MED12L: variants seen among roughly 807,000 people sequenced by gnomAD.
MED12L encodes mediator complex subunit 12L, also known as mediator of RNA polymerase II transcription subunit 12-like protein.
MED12L carries 60 observed loss-of-function variants against 281.3 expected under a neutral mutation model. That is an observed-to-expected ratio of 0.21 (90% CI 0.17 to 0.26). The LOEUF (loss-of-function observed/expected upper bound fraction) is 0.26. Among genes scored for constraint, MED12L ranks in the 10% least tolerant of loss-of-function variants. MED12L has a pLI of 1.00. For synonymous variants in MED12L, 974 were observed against 987.2 expected (o/e 0.99, Z 0.25); for missense variants, 2,146 against 2,680.9 (o/e 0.80, Z 4.41).
chr3:151,279,648 G>C (rs1742488978), intron 16 of MED12L, among the ~76,000 whole-genome samples: 1 of 152,170 alleles, frequency 6.6e-6, no homozygotes, highest in African/African-American at 2.4e-5. Flanking sequence ...GCATAGAGAG[G>C]CTTGTTAGCT....
At chr3:151,355,307 A>G (rs930947505) in intron 18 of MED12L, 68 bp downstream of exon 18, 2 of 1,059,372 alleles carry the variant, frequency 1.9e-6, no homozygotes, top group African/African-American at 1.6e-5. Flanking sequence ...TTTTTCATGC[A>G]GTATATTTTC....
rs536837917 is a variant in MED12L at position 151,143,137 on chromosome 3, G to A, written c.557-13024G>A. Reference sequence around the variant, plus strand: ...CGGAGCAGGGAATGAGAGGGAAGCCGGGGTGGATCTGGCTGGTCTGTGTAC... The same window carrying A: ...CGGAGCAGGGAATGAGAGGGAAGCCAGGGTGGATCTGGCTGGTCTGTGTAC... On this transcript the variant is annotated intron_variant, in intron 5 of 44. Coordinates refer to ENST00000687756, the MANE Select transcript of MED12L (RefSeq NM_001393769.1). Among the ~76,000 whole-genome samples, 20 of 152,304 alleles carry A rather than the reference G, an allele frequency of 1.3e-4. No homozygotes were observed. The South Asian group carries it at 2.9e-3, about 22-fold the overall frequency.
chr3:151,338,928 T>A, intron 16 of MED12L: 1 of 1,430,832 alleles, frequency 7.0e-7, no homozygotes, highest in Non-Finnish European at 9.7e-7. Context: ...TCTCTGTGTG[T>A]AACTTTTTTG....
chr3:151,170,417 A>G (rs927363514), intron 11 of MED12L, among the ~76,000 whole-genome samples: 2 of 151,360 alleles, frequency 1.3e-5, no homozygotes, highest in Non-Finnish European at 2.9e-5. Context: ...TGGGATTAAT[A>G]GGCGCCTGCC....
At chr3:151,120,140 C>T (rs1339415707) in intron 3 of MED12L, among the ~76,000 whole-genome samples, 2 of 151,206 alleles carry the variant, frequency 1.3e-5, no homozygotes, top group African/African-American at 4.9e-5. Flanking sequence ...GCAGGAGAAT[C>T]GCTTGATCCC....
intron 16 of MED12L, among the ~76,000 whole-genome samples, chr3:151,343,452 C>T (rs1752128328): frequency 6.6e-6 from 1 of 152,190 alleles, no homozygotes; most frequent in African/African-American, 2.4e-5. Context: ...TACCTATTTA[C>T]AAACCACCTC....
At chr3:151,198,338 TTTTG>T (rs1426071045) in intron 16 of MED12L, 34 of 1,024,672 alleles carry the variant, frequency 3.3e-5, no homozygotes, top group Admixed American at 5.7e-5. Context: ...CTGAGTTTTT[TTTTG>T]TTTTTTTTTT....
intron 11 of MED12L, among the ~76,000 whole-genome samples, chr3:151,176,913 C>G (rs941388879): frequency 6.6e-6 from 1 of 152,216 alleles, no homozygotes; most frequent in African/African-American, 2.4e-5. Context: ...TAATGTAACA[C>G]AGTGTATTAC....
At chr3:151,281,726 A>C (rs766860863) in intron 16 of MED12L, among the ~76,000 whole-genome samples, 14 of 152,326 alleles carry the variant, frequency 9.2e-5, no homozygotes, top group Middle Eastern at 3.4e-3. Flanking sequence ...AGCCCTCAAC[A>C]TAACCCTGAT....
At chr3:151,343,980 A>C (rs1752224235) in intron 16 of MED12L, among the ~76,000 whole-genome samples, 1 of 152,168 alleles carries the variant, frequency 6.6e-6, no homozygotes, top group Non-Finnish European at 1.5e-5. Flanking sequence ...TGTATTTTAA[A>C]GCAGTGCATA....
intron 11 of MED12L, among the ~76,000 whole-genome samples, chr3:151,182,096 G>T (rs1285929059): frequency 1.3e-5 from 2 of 152,084 alleles, no homozygotes; most frequent in African/African-American, 4.8e-5. Flanking sequence ...ATATGAATTA[G>T]GAGAGAAAAA....
At chr3:151,257,863 A>C (rs1427363655) in intron 16 of MED12L, among the ~76,000 whole-genome samples, 1 of 152,164 alleles carries the variant, frequency 6.6e-6, no homozygotes, top group Non-Finnish European at 1.5e-5. Flanking sequence ...TTATATTCCA[A>C]GTTCCTCCTT....
Position 151,411,331 on chromosome 3 carries a change from A to G in MED12L, c.5964A>G (p.Thr1988=), listed in dbSNP as rs1346588390. 5 of 1,614,114 alleles carry G rather than the reference A, an allele frequency of 3.1e-6. No homozygotes were observed. The highest frequency in any genetic ancestry group is 4.2e-6 in the Non-Finnish European group (5 of 1,180,054). ...GGACACAGATGCCTTTGCAGCAGAC[A>G]TCGCAGCAGCAGGCTGGCAGTGTGG... The part of the protein sequence containing the change: ...MYGTQMPLQQ[T]SQQQAGSVVL... The change falls in exon 41 of 45, where the codon ACA becomes ACG. Residue 1988 remains threonine, a synonymous_variant. Coordinates refer to ENST00000687756, the MANE Select transcript of MED12L (RefSeq NM_001393769.1).
chr3:151,294,658 T>G (rs1744818200), intron 16 of MED12L: 1 of 1,614,078 alleles, frequency 6.2e-7, no homozygotes, highest in Admixed American at 1.7e-5. Context: ...CCAAAGGACT[T>G]TTAAGTTTTG....
chr3:151,358,497 C>T (rs1414231087), intron 20 of MED12L, among the ~76,000 whole-genome samples: 2 of 152,190 alleles, frequency 1.3e-5, no homozygotes, highest in East Asian at 3.9e-4. Flanking sequence ...CTATGTTCTA[C>T]TTTTAAAATA....
At chr3:151,411,560 T>G (rs528859055) in intron 41 of MED12L, 53 bp downstream of exon 41, 20 of 1,448,454 alleles carry the variant, frequency 1.4e-5, no homozygotes, top group Non-Finnish European at 1.8e-5. Context: ...ATTCTCGGGT[T>G]TCTTATGCTT....
In MED12L at chr3:151,397,327, G is replaced by C. The variant is rs555400401; in HGVS notation, c.5820+2460G>C. Reference sequence around the variant, plus strand: ...GTCTTTTTCTCTCATCATTCTTCAAGTGTTAGATAATTGAGGAAAATAGTA... The same window carrying C: ...GTCTTTTTCTCTCATCATTCTTCAACTGTTAGATAATTGAGGAAAATAGTA... On this transcript the variant is annotated intron_variant, in intron 39 of 44. Transcript: ENST00000687756. 3.9e-5 allele frequency among the ~76,000 whole-genome samples: 6 copies of C among 152,240 alleles called. No homozygotes were observed. In the South Asian group the frequency reaches 1.2e-3, roughly 32 times the overall value.
intron 16 of MED12L, chr3:151,213,946 A>T: frequency 6.2e-7 from 1 of 1,614,150 alleles, no homozygotes; most frequent in Admixed American, 1.7e-5. Flanking sequence ...AAGAGGCTTT[A>T]CAATTTTATA....
rs184574138 is a variant in MED12L at position 151,214,346 on chromosome 3, A to G, written c.2250+20680A>G. On this transcript the variant is annotated intron_variant, in intron 16 of 44. Transcript: ENST00000687756. Reference sequence around the variant, plus strand: ...TAACTTCTGAAGGCAGAGGCCTGAAAAGAGGTGTGAACTGGTCACTCATAG... The same window carrying G: ...TAACTTCTGAAGGCAGAGGCCTGAAGAGAGGTGTGAACTGGTCACTCATAG... The G allele has an allele frequency of 2.0e-4, 312 of 1,593,420 alleles. No individual in the cohort carries two copies. The African/African-American group carries it at 3.6e-3, about 18-fold the overall frequency.
Sources: allele counts gnomAD v4.1 joint callset (sites outside exome capture counted in the v4.1 genomes callset), GRCh38; gene constraint gnomAD v4.1.1; transcripts MANE v1.5; gene names NCBI Gene and HGNC (gene_info 2026-07-23, HGNC 2026-07-21).